SYT3: variants seen among roughly 807,000 people sequenced by gnomAD.
SYT3 encodes the protein synaptotagmin-3.
Under a neutral mutation model 50.6 loss-of-function variants are expected in SYT3, and 25 were observed. The observed-to-expected ratio is 0.49, with a 90% CI of 0.36 to 0.69. The LOEUF (loss-of-function observed/expected upper bound fraction) is 0.69. SYT3 is among the 30% of genes least tolerant of loss of function. The probability of loss-of-function intolerance (pLI) is 0.00; values close to 1 mark genes in which losing one functional copy is unlikely to be tolerated. For missense variants in SYT3, 589 were observed against 793.6 expected (o/e 0.74, Z 3.10); for synonymous variants, 323 against 353.9 (o/e 0.91, Z 0.98).
chr19:50,648,337 C>G, the SYT3 span, among the ~76,000 whole-genome samples: 2 of 152,116 alleles, frequency 1.3e-5, no homozygotes, highest in African/African-American at 2.4e-5. Flanking sequence ...AAGGTGCCAC[C>G]ACCTAGAACG....
the SYT3 span, among the ~76,000 whole-genome samples, chr19:50,647,160 A>G: frequency 2.0e-5 from 3 of 152,138 alleles, no homozygotes; most frequent in Non-Finnish European, 4.4e-5. Flanking sequence ...AAAATAATTA[A>G]TAAAGGGTAG....
the SYT3 span, among the ~76,000 whole-genome samples, chr19:50,653,682 GCACACACACACA>G: frequency 0.063 from 7,637 of 121,832 alleles, 343 homozygotes; most frequent in African/African-American, 0.11. Flanking sequence ...ATGAGAGACA[GCACACACACACA>G]CACACACACA....
At chr19:50,636,051 G>A (rs538242451) in intron 3 of SYT3, among the ~76,000 whole-genome samples, 9 of 152,224 alleles carry the variant, frequency 5.9e-5, no homozygotes, top group South Asian at 2.1e-4. Flanking sequence ...TCAGGAGTTC[G>A]AGACCAGCCT....
At chr19:50,623,977 T>A (rs918699573) in intron 9 of SYT3, among the ~76,000 whole-genome samples, 2 of 151,382 alleles carry the variant, frequency 1.3e-5, no homozygotes, top group Non-Finnish European at 1.5e-5. Context: ...TTTTTTTTTT[T>A]AAGGAGAGGG....
At chr19:50,640,988 G>A (rs1370787258), upstream of SYT3, among the ~76,000 whole-genome samples, 12 of 152,172 alleles carry the variant, frequency 7.9e-5, no homozygotes, top group Admixed American at 7.9e-4. Flanking sequence ...GGAGGCTGAA[G>A]TGGGAGGATC....
chr19:50,624,530 T>C (rs1248811461), intron 9 of SYT3, among the ~76,000 whole-genome samples: 1 of 151,070 alleles, frequency 6.6e-6, no homozygotes, highest in Non-Finnish European at 1.5e-5. Flanking sequence ...TTATTTCTCC[T>C]GATCAAGCGA....
At position 50,629,345 on chromosome 19, in the gene SYT3, G is replaced by C. The variant is rs768036559; in HGVS notation, c.1230C>G (p.Ala410=). The C allele has an allele frequency of 1.5e-5, 24 of 1,613,236 alleles. No homozygotes were observed. The highest frequency in any genetic ancestry group is 1.9e-5 in the Non-Finnish European group (23 of 1,179,564). ...QVVLDNLLEL[A]EQPPDRPLWR... is the part of the protein sequence containing the mutation. ...AGAGCGGGCGGTCAGGGGGCTGCTC[G>C]GCCAGCTCCAGGAGGTTGTCCAGCA... Residue 410 remains alanine (A), a synonymous_variant, in exon 6 of 11, where the codon GCC becomes GCG. Coordinates refer to ENST00000600079, the MANE Select transcript of SYT3 (RefSeq NM_001160329.2).
Position 50,625,641 on chromosome 19 carries a change from C to T in SYT3, c.1403-77G>A. 6.8e-7 allele frequency: 1 copy of T among 1,481,118 alleles called. No individual in the cohort carries two copies. The highest frequency in any genetic ancestry group is 1.4e-5 in the South Asian group (1 of 71,120). The allele number at this position is 1,481,118 out of a possible 1,614,324, so 91.7% of individuals were successfully genotyped here. On this transcript the variant is annotated intron_variant, in intron 7 of 10. Transcript: ENST00000600079. The surrounding 1 kb of genome is among the most constrained non-coding windows in gnomAD (Gnocchi z 7.5). The stretch of plus-strand genomic sequence containing the variant: ...GGTCCAGGACCCCAGGCCCCGAGCC[C>T]CTCCTCCCTCAGACCCAGAGGTCCG...
At chr19:50,646,058 G>A in the SYT3 span, among the ~76,000 whole-genome samples, 218 of 152,280 alleles carry the variant, frequency 1.4e-3, 1 homozygote, top group African/African-American at 5.0e-3. Context: ...ACACAGAGGA[G>A]CAGAGAGAGA....
chr19:50,652,262 G>A, the SYT3 span, among the ~76,000 whole-genome samples: 2 of 152,126 alleles, frequency 1.3e-5, no homozygotes, highest in Non-Finnish European at 2.9e-5. Context: ...CAAACAAAGT[G>A]CACACATTTC....
In SYT3 at chr19:50,629,831, C is replaced by T. The variant is rs375171876; in HGVS notation, c.1015G>A (p.Val339Ile). Residue 339 changes from valine to isoleucine, a missense_variant, in exon 5 of 11, where the codon GTC becomes ATC. By Grantham distance (29) the Val-to-Ile change is conservative (BLOSUM62 3). This residue lies in a region of SYT3 where 273 missense variants were observed against 439.3 expected (regional missense o/e 0.62). Coordinates refer to ENST00000600079, the MANE Select transcript of SYT3 (RefSeq NM_001160329.2). ...CGGTCAGGCAGCAGGTAGATCTTGA[C>T]GTAGGGGTCTGAGAAGCCGTTGGAG... ...KDSNGFSDPYVKIYLLPDRKK... is the reference protein window; with the variant it reads ...KDSNGFSDPYIKIYLLPDRKK... The T allele has an allele frequency of 2.5e-6, 4 of 1,613,896 alleles. No homozygotes were observed. The African/African-American group carries it at 4.0e-5, about 16-fold the overall frequency.
the SYT3 span, among the ~76,000 whole-genome samples, chr19:50,655,290 G>A: frequency 6.6e-6 from 1 of 152,092 alleles, no homozygotes; most frequent in Non-Finnish European, 1.5e-5. Context: ...GGTCAAAAAG[G>A]GTCCATATTT....
At chr19:50,647,031 C>T in the SYT3 span, among the ~76,000 whole-genome samples, 2 of 152,016 alleles carry the variant, frequency 1.3e-5, no homozygotes, top group Admixed American at 6.6e-5. Flanking sequence ...GGGGTTTCAC[C>T]GTGTTAGCCA....
At chr19:50,649,480 C>G in the SYT3 span, 3 of 1,536,278 alleles carry the variant, frequency 2.0e-6, no homozygotes, top group Non-Finnish European at 2.6e-6. Context: ...GCTTCCCTGC[C>G]ATGGGCAGCC....
the SYT3 span, among the ~76,000 whole-genome samples, chr19:50,647,004 G>T: frequency 0.14 from 21,772 of 151,856 alleles, 1,768 homozygotes; most frequent in South Asian, 0.18. Flanking sequence ...CTAATTTTTT[G>T]TATTTTCAGT....
intron 3 of SYT3, among the ~76,000 whole-genome samples, chr19:50,634,907 G>C (rs1984445493): frequency 6.7e-6 from 1 of 149,028 alleles, no homozygotes; most frequent in African/African-American, 2.5e-5. Flanking sequence ...TTTTTTTTGA[G>C]ACAGAGTCTC....
Position 50,639,842 on chromosome 19 carries a change from C to A in SYT3, c.-206G>T. Reference sequence around the variant, plus strand: ...CCGCCGCCGCCGCCGCAGCCCCGCGCGCCAGCCGCGGTGCCGGCTCGGCTC... The same window carrying A: ...CCGCCGCCGCCGCCGCAGCCCCGCGAGCCAGCCGCGGTGCCGGCTCGGCTC... On this transcript the variant is annotated 5_prime_UTR_variant, in exon 1 of 11. Coordinates refer to ENST00000600079, the MANE Select transcript of SYT3 (RefSeq NM_001160329.2). The surrounding 1 kb of genome is among the most constrained non-coding windows in gnomAD (Gnocchi z 4.6). 1 of 159,172 alleles carries A rather than the reference C, an allele frequency of 6.3e-6. No individual in the cohort carries two copies. The highest frequency in any genetic ancestry group is 1.4e-5 in the Non-Finnish European group (1 of 73,824). The allele number at this position is 159,172 out of a possible 1,614,324, so 9.9% of individuals were successfully genotyped here.
chr19:50,624,860 T>G (rs1983984706), intron 9 of SYT3: 1 of 294,144 alleles, frequency 3.4e-6, no homozygotes, highest in Non-Finnish European at 6.2e-6. Flanking sequence ...CCCCCTCTAT[T>G]TTCAACTTAG....
chr19:50,656,434 A>G, the SYT3 span: 4 of 1,438,062 alleles, frequency 2.8e-6, no homozygotes, highest in Admixed American at 2.5e-5. Context: ...GCCAGAGTTT[A>G]AATTCAGGCT....
Sources: allele counts gnomAD v4.1 joint callset (sites outside exome capture counted in the v4.1 genomes callset), GRCh38; gene constraint gnomAD v4.1.1; regional missense constraint gnomAD v4.1.1; non-coding constraint Gnocchi (gnomAD v3.1); transcripts MANE v1.5; gene names NCBI Gene and HGNC (gene_info 2026-07-23, HGNC 2026-07-21).